The following SPECC1 variants were observed in gnomAD, a reference collection of about 807,000 sequenced individuals.
The protein encoded by SPECC1 is cytospin-B.
A neutral mutation model predicts 104.1 loss-of-function variants in SPECC1; 62 were observed. The observed-to-expected ratio is 0.60, with a 90% CI of 0.49 to 0.74. The LOEUF is 0.74. Among genes scored for constraint, SPECC1 ranks in the 30% least tolerant of loss-of-function variants. SPECC1 has a pLI of 0.00. For synonymous variants in SPECC1, 513 were observed against 501.6 expected (o/e 1.02, Z -0.30); for missense variants, 1,306 against 1,310.5 (o/e 1.00, Z 0.05).
chr17:20,300,832 A>G (rs1431910999), intron 13 of SPECC1, among the ~76,000 whole-genome samples: 1 of 152,200 alleles, frequency 6.6e-6, no homozygotes, highest in Non-Finnish European at 1.5e-5. Context: ...TGTGTAAGGC[A>G]GCGTGTGGAA....
intron 7 of SPECC1, among the ~76,000 whole-genome samples, chr17:20,234,528 C>T (rs1356326244): frequency 6.6e-6 from 1 of 152,212 alleles, no homozygotes; most frequent in Non-Finnish European, 1.5e-5. Context: ...CTCCGGAAGC[C>T]ACCTAGTGTT....
In SPECC1 at chr17:20,238,767, G is replaced by A. The variant is rs1166700952; in HGVS notation, c.2351+6362G>A. 3.8e-6 allele frequency: 4 copies of A among 1,043,874 alleles called. No homozygotes were observed. The East Asian group carries it at 2.3e-4, about 59-fold the overall frequency. 64.7% of individuals were successfully genotyped at this position (1,043,874 alleles called of 1,614,324 possible). On this transcript the variant is annotated intron_variant, in intron 7 of 14. Coordinates refer to ENST00000395527, the MANE Select transcript of SPECC1 (RefSeq NM_001243439.2). ...TTCAAGTATAAACAATAAGAAAACT[G>A]CAACTTCAACTTAAAAGGCACTGCT...
intron 1 of SPECC1, among the ~76,000 whole-genome samples, chr17:20,032,178 C>A (rs374901237): frequency 1.3e-5 from 2 of 151,900 alleles, no homozygotes; most frequent in East Asian, 1.9e-4. Context: ...ATAAGTTTTC[C>A]TCTAGCTGCT....
At chr17:20,032,298 A>C (rs2044847953) in intron 1 of SPECC1, among the ~76,000 whole-genome samples, 1 of 152,106 alleles carries the variant, frequency 6.6e-6, no homozygotes, top group Admixed American at 6.5e-5. Context: ...TTGATTGTAT[A>C]GGTTATTGCT....
chr17:20,261,252 T>C lies in SPECC1; in HGVS notation c.2940+958T>C, dbSNP rs547904868. On this transcript the variant is annotated intron_variant, in intron 12 of 14. Transcript: ENST00000395527. ...CTCCAGTGGCTCACGCCTGTAATCC[T>C]AGCACTTTGGGAGGCCGAGGTGGGC... Among the ~76,000 whole-genome samples, 653 of 151,872 alleles carry C rather than the reference T, an allele frequency of 4.3e-3. 5 individuals carry two copies. Among genetic ancestry groups the C allele is most frequent in the Non-Finnish European group, 7.2e-3 (488 of 67,886 alleles).
intron 3 of SPECC1, among the ~76,000 whole-genome samples, chr17:20,148,802 C>T (rs2031712705): frequency 6.6e-6 from 1 of 152,140 alleles, no homozygotes; most frequent in Non-Finnish European, 1.5e-5. Context: ...TCACTGCAGC[C>T]TCTGCCTCCC....
chr17:20,116,803 CTTTTTTTTTTTTTTTT>C (rs58127201), intron 3 of SPECC1, among the ~76,000 whole-genome samples: 12 of 50,424 alleles, frequency 2.4e-4, no homozygotes, highest in African/African-American at 5.9e-4. Context: ...TGTCTGGAGA[CTTTTTTTTTTTTTTTT>C]TTTTTTTTTT....
At chr17:20,231,718 C>A in intron 5 of SPECC1, 40 bp from the exon 6 acceptor site, 1 of 1,599,678 alleles carries the variant, frequency 6.3e-7, no homozygotes, top group African/African-American at 1.3e-5. Context: ...TTAAGAGTCT[C>A]ACAGCTTTTC....
At chr17:20,157,902 A>C (rs1311061341) in intron 3 of SPECC1, among the ~76,000 whole-genome samples, 1 of 152,094 alleles carries the variant, frequency 6.6e-6, no homozygotes, top group Non-Finnish European at 1.5e-5. Flanking sequence ...GGGCTCCAGC[A>C]CCTCTCCTCC....
At chr17:20,058,671 T>C (rs1014064124) in intron 1 of SPECC1, among the ~76,000 whole-genome samples, 3 of 151,888 alleles carry the variant, frequency 2.0e-5, no homozygotes, top group African/African-American at 7.3e-5. Flanking sequence ...AAAAAAAGTT[T>C]ATTCATTTTT....
At chr17:20,155,552 G>A (rs1232719914) in intron 3 of SPECC1, 1 of 152,256 alleles carries the variant, frequency 6.6e-6, no homozygotes, top group Non-Finnish European at 1.5e-5. Context: ...CATTTTGGGT[G>A]AGTACGTCTT....
chr17:20,105,121 AG>A (rs1033123617), intron 2 of SPECC1, among the ~76,000 whole-genome samples: 13 of 151,864 alleles, frequency 8.6e-5, no homozygotes, highest in African/African-American at 3.1e-4. Flanking sequence ...GGCGGGAGAC[AG>A]GGTTTTGCTC....
At chr17:20,190,813 G>T (rs983493693) in intron 3 of SPECC1, among the ~76,000 whole-genome samples, 2 of 152,034 alleles carry the variant, frequency 1.3e-5, no homozygotes, top group Admixed American at 6.6e-5. Context: ...CCCTCCCTTG[G>T]GGGTGGGGGA....
At chr17:20,254,056 T>C (rs1260161757) in intron 10 of SPECC1, among the ~76,000 whole-genome samples, 1 of 152,134 alleles carries the variant, frequency 6.6e-6, no homozygotes, top group Non-Finnish European at 1.5e-5. Context: ...TGAATTTGTC[T>C]GCTACTTCTG....
At chr17:20,215,525 G>T (rs2151403027) in intron 4 of SPECC1, among the ~76,000 whole-genome samples, 1 of 152,116 alleles carries the variant, frequency 6.6e-6, no homozygotes, top group East Asian at 1.9e-4. Context: ...TAATGTTACT[G>T]GAATTTACTC....
At chr17:20,269,631 C>T (rs1476079318) in intron 12 of SPECC1, among the ~76,000 whole-genome samples, 1 of 152,188 alleles carries the variant, frequency 6.6e-6, no homozygotes, top group Non-Finnish European at 1.5e-5. Context: ...GCTTCGGCCT[C>T]CCAAAGTGCT....
chr17:20,263,885 TTG>T (rs556560740), intron 12 of SPECC1, among the ~76,000 whole-genome samples: 22 of 150,202 alleles, frequency 1.5e-4, no homozygotes, highest in Admixed American at 2.0e-4. Context: ...CTGGAGTGAT[TTG>T]TGTGTGTGTG....
chr17:20,287,502 A>G (rs1316023349), intron 12 of SPECC1, among the ~76,000 whole-genome samples: 1 of 151,364 alleles, frequency 6.6e-6, no homozygotes, highest in African/African-American at 2.4e-5. Flanking sequence ...GCATAACTCA[A>G]TTCATCTCTT....
chr17:20,279,631 A>T (rs886462917), intron 12 of SPECC1, among the ~76,000 whole-genome samples: 3 of 152,182 alleles, frequency 2.0e-5, no homozygotes, highest in African/African-American at 7.2e-5. Context: ...CTTGAAGGTT[A>T]CTTTTCTAGT....
Sources: allele counts gnomAD v4.1 joint callset (sites outside exome capture counted in the v4.1 genomes callset), GRCh38; gene constraint gnomAD v4.1.1; transcripts MANE v1.5; gene names NCBI Gene and HGNC (gene_info 2026-07-23, HGNC 2026-07-21).